The following SGCZ variants were observed in gnomAD, a reference collection of about 807,000 sequenced individuals.
SGCZ encodes the protein zeta-sarcoglycan.
A neutral mutation model predicts 41.3 loss-of-function variants in SGCZ; 40 were observed. The observed-to-expected ratio is 0.97, with a 90% CI of 0.75 to 1.26. The LOEUF is 1.26. Ranked by LOEUF, SGCZ falls within the 50% of genes most tolerant of loss-of-function variation. The pLI, the probability that SGCZ is intolerant of heterozygous loss-of-function variation, is 0.00. For missense variants in SGCZ, 552 were observed against 369.8 expected, an observed-to-expected ratio of 1.49 and a Z score of -4.04; for synonymous variants, 206 against 137.5, an observed-to-expected ratio of 1.50 and a Z score of -3.49.
chr8:14,274,105 C>T (rs924193072), intron 3 of SGCZ, among the ~76,000 whole-genome samples: 1 of 151,964 alleles, frequency 6.6e-6, no homozygotes, highest in African/African-American at 2.4e-5. Context: ...CACTTGTTTT[C>T]TTGAAGTTTC....
In SGCZ at chr8:14,085,472, A is replaced by T. The variant is rs951593557; in HGVS notation, c.*4971T>A. 6.6e-6 allele frequency among the ~76,000 whole-genome samples: 1 copy of T among 151,812 alleles called. No individual in the cohort carries two copies. The highest frequency in any genetic ancestry group is 2.4e-5 in the African/African-American group (1 of 41,420). ...AAATGAGATACTAAGACTGAAAAAAACAAAAAATAACTACAGTTCATTATA... is the reference window on the plus strand; with the variant it reads ...AAATGAGATACTAAGACTGAAAAAATCAAAAAATAACTACAGTTCATTATA... On this transcript the variant is annotated 3_prime_UTR_variant, in exon 8 of 8. Coordinates refer to ENST00000382080, the MANE Select transcript of SGCZ (RefSeq NM_139167.4).
chr8:14,146,107 C>G (rs190991979), intron 5 of SGCZ, among the ~76,000 whole-genome samples: 1 of 152,218 alleles, frequency 6.6e-6, no homozygotes, highest in East Asian at 1.9e-4. Context: ...CAACACCAAG[C>G]AGATTCAACC....
At chr8:14,420,033 C>T (rs1799597753) in intron 2 of SGCZ, among the ~76,000 whole-genome samples, 1 of 152,034 alleles carries the variant, frequency 6.6e-6, no homozygotes, top group Non-Finnish European at 1.5e-5. Context: ...TGTTAACGAT[C>T]CTTTCCAGTA....
intron 2 of SGCZ, among the ~76,000 whole-genome samples, chr8:14,398,098 G>T (rs1032347423): frequency 6.6e-6 from 1 of 151,988 alleles, no homozygotes; most frequent in African/African-American, 2.4e-5. Context: ...ACCCTCAATT[G>T]ACATCAAGTA....
chr8:14,383,910 T>C (rs914982667), intron 2 of SGCZ, among the ~76,000 whole-genome samples: 2 of 144,858 alleles, frequency 1.4e-5, no homozygotes, highest in Non-Finnish European at 2.9e-5. Flanking sequence ...ACGCTCCAAA[T>C]TTGTTTTGAG....
intron 1 of SGCZ, among the ~76,000 whole-genome samples, chr8:15,157,169 C>A (rs1799355819): frequency 6.6e-6 from 1 of 152,072 alleles, no homozygotes; most frequent in Admixed American, 6.6e-5. Flanking sequence ...ATATTACATA[C>A]ATAGATGATG....
At chr8:14,585,471 A>G (rs1458482472) in intron 1 of SGCZ, among the ~76,000 whole-genome samples, 1 of 152,072 alleles carries the variant, frequency 6.6e-6, no homozygotes, top group Non-Finnish European at 1.5e-5. Context: ...TCAATACATT[A>G]TGACTCCCAT....
chr8:14,444,293 C>A (rs185474338), intron 2 of SGCZ, among the ~76,000 whole-genome samples: 27 of 152,228 alleles, frequency 1.8e-4, no homozygotes, highest in Non-Finnish European at 2.9e-4. Context: ...ACCATTTATC[C>A]CAGCCTTTCC....
chr8:14,991,350 G>A lies in SGCZ; in HGVS notation c.39+246235C>T, dbSNP rs143850583. ...CAAGGAGTTTGTTGAAATGCAAAGT[G>A]TTAGGCTCACTTCTGACCTATTCAG... On this transcript the variant is annotated intron_variant, in intron 1 of 7. Transcript: ENST00000382080. 1.5e-4 allele frequency among the ~76,000 whole-genome samples: 23 copies of A among 152,234 alleles called. No homozygotes were observed. In the East Asian group the frequency reaches 4.3e-3, roughly 28 times the overall value.
chr8:15,133,932 A>G (rs921910560), intron 1 of SGCZ, among the ~76,000 whole-genome samples: 20 of 152,166 alleles, frequency 1.3e-4, no homozygotes, highest in Admixed American at 3.9e-4. Context: ...TTAGGCATCT[A>G]TTTCAATGTT....
chr8:14,373,964 G>A (rs1804009487), intron 2 of SGCZ, among the ~76,000 whole-genome samples: 1 of 152,000 alleles, frequency 6.6e-6, no homozygotes, highest in African/African-American at 2.4e-5. Flanking sequence ...TCCTGCACAT[G>A]TGCCCCGGAA....
chr8:14,191,552 C>T (rs986505771), intron 4 of SGCZ, among the ~76,000 whole-genome samples: 2 of 152,044 alleles, frequency 1.3e-5, no homozygotes, highest in Admixed American at 6.6e-5. Context: ...TGGTATGTAT[C>T]ATTTGGAAAT....
At chr8:14,478,564 T>C (rs1801429042) in intron 2 of SGCZ, among the ~76,000 whole-genome samples, 3 of 151,552 alleles carry the variant, frequency 2.0e-5, no homozygotes, top group Admixed American at 2.0e-4. Context: ...GCCCAGACGA[T>C]TTTTAGGGCA....
chr8:14,649,280 T>G (rs1423802675), intron 1 of SGCZ, among the ~76,000 whole-genome samples: 8 of 152,136 alleles, frequency 5.3e-5, no homozygotes, highest in Admixed American at 5.2e-4. Flanking sequence ...ATACGCTCAC[T>G]GTGTGCAGAC....
chr8:14,585,224 G>C (rs548835710), intron 1 of SGCZ, among the ~76,000 whole-genome samples: 2 of 152,006 alleles, frequency 1.3e-5, no homozygotes, highest in Non-Finnish European at 2.9e-5. Context: ...CATTCTTCTG[G>C]TTCTCTAGTT....
rs772517434 is a variant in SGCZ, at chr8:14,730,791, CAATT to C, written c.40-175869_40-175866del. On this transcript the variant is annotated intron_variant, in intron 1 of 7. Coordinates refer to ENST00000382080, the MANE Select transcript of SGCZ (RefSeq NM_139167.4). ...ATTGGAATGAAACTGATGTTAAAAA[CAATT>C]AATAATTACATTTTGCAATGAACAA... is the stretch of plus-strand genomic sequence containing the variant. Among the ~76,000 whole-genome samples the C allele has an allele frequency of 2.0e-4, 30 of 151,896 alleles. 1 individual carries two copies. Among genetic ancestry groups the C allele is most frequent in the South Asian group, 4.1e-4 (2 of 4,822 alleles).
intron 2 of SGCZ, among the ~76,000 whole-genome samples, chr8:14,373,763 G>T (rs1176899076): frequency 6.6e-6 from 1 of 152,060 alleles, no homozygotes; most frequent in Admixed American, 6.6e-5. Flanking sequence ...ATTGTAAACG[G>T]TAGGTTTACG....
intron 3 of SGCZ, among the ~76,000 whole-genome samples, chr8:14,322,074 C>T (rs965424385): frequency 6.6e-6 from 1 of 152,110 alleles, no homozygotes; most frequent in Non-Finnish European, 1.5e-5. Flanking sequence ...ATTTATCCAA[C>T]TTTTAGGTTC....
chr8:15,176,498 C>T (rs1800004899), intron 1 of SGCZ, among the ~76,000 whole-genome samples: 1 of 151,942 alleles, frequency 6.6e-6, no homozygotes, highest in Non-Finnish European at 1.5e-5. Context: ...AAGCGGTTTT[C>T]CAAAAATTAA....
Sources: allele counts gnomAD v4.1 joint callset (sites outside exome capture counted in the v4.1 genomes callset), GRCh38; gene constraint gnomAD v4.1.1; transcripts MANE v1.5; gene names NCBI Gene and HGNC (gene_info 2026-07-23, HGNC 2026-07-21).